The following CELF2 variants were observed in gnomAD, a reference collection of about 807,000 sequenced individuals.
The protein encoded by CELF2 is CUGBP Elav-like family member 2.
Under a neutral mutation model 62.6 loss-of-function variants are expected in CELF2, and 8 were observed. The observed-to-expected ratio is 0.13, with a 90% CI of 0.07 to 0.23. The LOEUF (loss-of-function observed/expected upper bound fraction) is 0.23. Ranked by LOEUF, CELF2 falls within the 10% of genes least tolerant of loss-of-function variation. The pLI, the probability that CELF2 is intolerant of heterozygous loss-of-function variation, is 1.00. For missense variants in CELF2, 333 were observed against 671.0 expected (o/e 0.50, Z 5.56); for synonymous variants, 258 against 250.0 (o/e 1.03, Z -0.30).
chr10:10,599,291 A>G, the CELF2 span, among the ~76,000 whole-genome samples: 27 of 152,306 alleles, frequency 1.8e-4, no homozygotes, highest in African/African-American at 6.0e-4. Context: ...AATTTCCTTG[A>G]CATTCAAGTT....
At chr10:10,593,827 C>G in the CELF2 span, among the ~76,000 whole-genome samples, 125 of 152,316 alleles carry the variant, frequency 8.2e-4, no homozygotes, top group African/African-American at 3.0e-3. Flanking sequence ...ACACATGAGA[C>G]TTTGAGCAAG....
chr10:10,967,480 C>T (rs2050246929), intron 2 of CELF2, among the ~76,000 whole-genome samples: 1 of 152,038 alleles, frequency 6.6e-6, no homozygotes, highest in African/African-American at 2.4e-5. Flanking sequence ...GGGAAATAAA[C>T]ATGCAAGGAT....
intron 9 of CELF2, among the ~76,000 whole-genome samples, chr10:11,307,302 C>G (rs1279873845): frequency 6.6e-6 from 1 of 152,200 alleles, no homozygotes; most frequent in East Asian, 1.9e-4. Flanking sequence ...ACAGTGTGGA[C>G]ATCATAGGAA....
chr10:10,932,355 T>C (rs749794065), intron 2 of CELF2, among the ~76,000 whole-genome samples: 12 of 152,150 alleles, frequency 7.9e-5, no homozygotes, highest in Non-Finnish European at 1.6e-4. Flanking sequence ...GTGACTATAA[T>C]TAATTTATGT....
rs2065246167 is a variant in CELF2 at position 11,159,588 on chromosome 10, C to G, written c.75-5898C>G. Among the ~76,000 whole-genome samples, 1 of 152,138 alleles carries G rather than the reference C, an allele frequency of 6.6e-6. No homozygotes were observed. Among genetic ancestry groups the G allele is most frequent in the Non-Finnish European group, 1.5e-5 (1 of 68,028 alleles). ...TGTGGGAAGGAGCTGATGCTGAGAC[C>G]TTAGTTGCCCCACTGCCAGTCTGTT... On this transcript the variant is annotated intron_variant, in intron 1 of 12. Coordinates refer to ENST00000633077, the MANE Select transcript of CELF2 (RefSeq NM_001326342.2). This position sits in a 1 kb window ranked among gnomAD's most constrained non-coding sequence, Gnocchi z 5.0.
chr10:11,024,323 A>T (rs1421546305), intron 1 of CELF2, among the ~76,000 whole-genome samples: 1 of 152,210 alleles, frequency 6.6e-6, no homozygotes, highest in African/African-American at 2.4e-5. Context: ...TAAAGAAGTC[A>T]GTCGGGTACG....
At chr10:10,890,992 G>T (rs901708123) in intron 1 of CELF2, among the ~76,000 whole-genome samples, 5 of 151,482 alleles carry the variant, frequency 3.3e-5, no homozygotes, top group African/African-American at 1.2e-4. Context: ...TCCAGCCTGG[G>T]CGACAAGAGC....
chr10:11,209,802 T>C (rs1473028738), intron 2 of CELF2, among the ~76,000 whole-genome samples: 2 of 126,912 alleles, frequency 1.6e-5, no homozygotes, highest in African/African-American at 5.9e-5. Context: ...AAAAAAGGTA[T>C]TAAATTCTTC....
At chr10:10,773,408 C>T in the CELF2 span, among the ~76,000 whole-genome samples, 5 of 152,274 alleles carry the variant, frequency 3.3e-5, no homozygotes, top group East Asian at 1.9e-4. Context: ...ATTAAGGCTC[C>T]GACATTATTT....
intron 1 of CELF2, among the ~76,000 whole-genome samples, chr10:10,836,958 C>T (rs2058338824): frequency 6.6e-6 from 1 of 152,150 alleles, no homozygotes; most frequent in Non-Finnish European, 1.5e-5. Flanking sequence ...TTAACTTGAC[C>T]ATATGAATAC....
chr10:11,028,914 A>G (rs569047859), intron 1 of CELF2, among the ~76,000 whole-genome samples: 3 of 152,126 alleles, frequency 2.0e-5, no homozygotes, highest in Non-Finnish European at 4.4e-5. Context: ...GGGTTTCACC[A>G]TATTGGCCAG....
At chr10:10,545,831 C>A in the CELF2 span, among the ~76,000 whole-genome samples, 1 of 152,112 alleles carries the variant, frequency 6.6e-6, no homozygotes, top group Admixed American at 6.6e-5. Context: ...TTGCAGTGAA[C>A]TGAAAAATAA....
At chr10:10,628,348 C>A in the CELF2 span, among the ~76,000 whole-genome samples, 1 of 152,060 alleles carries the variant, frequency 6.6e-6, no homozygotes, top group African/African-American at 2.4e-5. Context: ...AAAAAGGAGA[C>A]AGAAGGAAGG....
intron 1 of CELF2, among the ~76,000 whole-genome samples, chr10:10,815,443 A>C (rs1382920172): frequency 6.6e-6 from 1 of 152,234 alleles, no homozygotes; most frequent in Admixed American, 6.5e-5. Flanking sequence ...AAAACTAGTA[A>C]CTAGGTTAGA....
chr10:10,917,671 T>C (rs1423188179), intron 1 of CELF2, among the ~76,000 whole-genome samples: 1 of 152,070 alleles, frequency 6.6e-6, no homozygotes, highest in African/African-American at 2.4e-5. Flanking sequence ...GAAGACAGCT[T>C]TGTCACCAGT....
the CELF2 span, among the ~76,000 whole-genome samples, chr10:10,717,814 T>A: frequency 5.1e-3 from 770 of 152,270 alleles, 2 homozygotes; most frequent in Middle Eastern, 0.01. Flanking sequence ...CCCTACTTCT[T>A]TCAAAGGAGG....
the CELF2 span, among the ~76,000 whole-genome samples, chr10:10,624,250 C>T: frequency 2.0e-5 from 3 of 152,216 alleles, no homozygotes; most frequent in Non-Finnish European, 4.4e-5. Flanking sequence ...CAAATTTCTA[C>T]AATCCATGCC....
chr10:11,327,574 G>A (rs1183682322), intron 12 of CELF2, among the ~76,000 whole-genome samples: 1 of 152,124 alleles, frequency 6.6e-6, no homozygotes, highest in South Asian at 2.1e-4. Flanking sequence ...TCTTAGCCAG[G>A]TTTTGTTATC....
At chr10:11,263,548 G>T (rs1202273345) in intron 5 of CELF2, among the ~76,000 whole-genome samples, 3 of 152,190 alleles carry the variant, frequency 2.0e-5, no homozygotes, top group Non-Finnish European at 4.4e-5. Context: ...GACCCTACAG[G>T]ATCAGAGCAG....
Sources: allele counts gnomAD v4.1 joint callset (sites outside exome capture counted in the v4.1 genomes callset), GRCh38; gene constraint gnomAD v4.1.1; non-coding constraint Gnocchi (gnomAD v3.1); transcripts MANE v1.5; gene names NCBI Gene and HGNC (gene_info 2026-07-23, HGNC 2026-07-21).